The following TMBIM1 variants were observed in gnomAD, a reference collection of about 807,000 sequenced individuals.
TMBIM1 encodes the protein transmembrane BAX inhibitor motif containing 1.
TMBIM1 carries 34 observed loss-of-function variants against 45.1 expected under a neutral mutation model. The ratio of observed to expected loss-of-function variants is 0.75; its 90% CI spans 0.57 to 1.00. The LOEUF (loss-of-function observed/expected upper bound fraction) is 1.00. Among genes scored for constraint, TMBIM1 ranks in the 50% least tolerant of loss-of-function variants. The pLI, the probability that TMBIM1 is intolerant of heterozygous loss-of-function variation, is 0.00. For missense variants in TMBIM1, 374 were observed against 402.4 expected (o/e 0.93, Z 0.60); for synonymous variants, 157 against 153.5 (o/e 1.02, Z -0.17).
intron 10 of TMBIM1, 53 bp from the exon 11 acceptor site, chr2:218,276,132 C>G: frequency 1.3e-6 from 2 of 1,581,282 alleles, no homozygotes; most frequent in Non-Finnish European, 1.7e-6. Flanking sequence ...AAACCACAGG[C>G]CCACAGGCCC....
At chr2:218,285,671 C>T (rs1485681679) in intron 1 of TMBIM1, 1 of 152,328 alleles carries the variant, frequency 6.6e-6, no homozygotes, top group Non-Finnish European at 1.5e-5. Flanking sequence ...AGGACGAGAT[C>T]CTAGCTGTCT....
chr2:218,282,653 C>T (rs1307438071), intron 1 of TMBIM1, among the ~76,000 whole-genome samples: 3 of 152,226 alleles, frequency 2.0e-5, no homozygotes, highest in African/African-American at 7.2e-5. Context: ...GGCCTGGAAG[C>T]CAGAGCTGGG....
At position 218,275,452 on chromosome 2, in the gene TMBIM1, G is replaced by A. The variant is rs369057432; in HGVS notation, c.*23C>T. The A allele has an allele frequency of 4.4e-6, 7 of 1,605,306 alleles. No individual in the cohort carries two copies. The highest frequency in any genetic ancestry group is 3.3e-4 in the Middle Eastern group (2 of 5,996). On this transcript the variant is annotated 3_prime_UTR_variant, in exon 12 of 12. Coordinates refer to ENST00000258412, the MANE Select transcript of TMBIM1 (RefSeq NM_022152.6). Reference sequence around the variant, plus strand: ...AGCTTGGAAGGGAGAGCCCAGGATCGGGTGAAAATGGGGGCTTGCTCCTTA... The same window carrying A: ...AGCTTGGAAGGGAGAGCCCAGGATCAGGTGAAAATGGGGGCTTGCTCCTTA...
At chr2:218,279,538 T>G in intron 3 of TMBIM1, 185 bp from the exon 4 acceptor site, 1 of 541,564 alleles carries the variant, frequency 1.8e-6, no homozygotes, top group South Asian at 2.5e-5. Flanking sequence ...CCCGCTCCCA[T>G]GCTCCCTGCC....
chr2:218,284,446 G>A (rs1368384279), intron 1 of TMBIM1, among the ~76,000 whole-genome samples: 3 of 152,260 alleles, frequency 2.0e-5, no homozygotes, highest in Non-Finnish European at 2.9e-5. Context: ...AGGGACTGTG[G>A]CAGCCACCGG....
At chr2:218,280,672 G>A (rs1397358015) in intron 2 of TMBIM1, 2 of 155,812 alleles carry the variant, frequency 1.3e-5, no homozygotes, top group African/African-American at 4.8e-5. Flanking sequence ...CCCCTCTGGG[G>A]TTCAGAGATG....
At chr2:218,277,251 G>T in intron 9 of TMBIM1, 115 bp downstream of exon 9, 1 of 1,164,722 alleles carries the variant, frequency 8.6e-7, no homozygotes, top group Non-Finnish European at 1.3e-6. Flanking sequence ...AGTTTTGTAG[G>T]TGCGGATGAG....
At chr2:218,282,219 AGGC>A in intron 1 of TMBIM1, 38 bp from the exon 2 acceptor site, 1 of 1,235,298 alleles carries the variant, frequency 8.1e-7, no homozygotes, top group Non-Finnish European at 1.1e-6. Flanking sequence ...GTGAATGCCC[AGGC>A]CCAGCTCACT....
intron 1 of TMBIM1, among the ~76,000 whole-genome samples, chr2:218,291,574 A>G (rs1345537203): frequency 6.6e-6 from 1 of 152,078 alleles, no homozygotes; most frequent in East Asian, 1.9e-4. Flanking sequence ...ACTCCTGGGT[A>G]CCACGTAGAG....
chr2:218,277,275 G>A, intron 9 of TMBIM1, 91 bp downstream of exon 9: 1 of 1,278,226 alleles, frequency 7.8e-7, no homozygotes, highest in South Asian at 1.2e-5. Context: ...AAGGGGATCA[G>A]GTCTCTAGGG....
At position 218,274,548 on chromosome 2, in the gene TMBIM1, GC is replaced by G. The variant is rs1470469207; in HGVS notation, c.*926del. On this transcript the variant is annotated 3_prime_UTR_variant, in exon 12 of 12. Transcript: ENST00000258412. Reference sequence around the variant, plus strand: ...CACAGTAGGCTTCGGTATCTCCCTAGCCAGGTGAGGGACCCCCAGGCATTCT... The same window carrying G: ...CACAGTAGGCTTCGGTATCTCCCTAGCAGGTGAGGGACCCCCAGGCATTCT... 2 of 154,864 alleles carry G rather than the reference GC, an allele frequency of 1.3e-5. No homozygotes were observed. The highest frequency in any genetic ancestry group is 2.9e-5 in the Non-Finnish European group (2 of 68,262). The allele number at this position is 154,864 out of a possible 1,614,324, so 9.6% of individuals were successfully genotyped here.
chr2:218,279,757 G>A (rs1399218990), intron 3 of TMBIM1, among the ~76,000 whole-genome samples: 1 of 152,206 alleles, frequency 6.6e-6, no homozygotes, highest in Non-Finnish European at 1.5e-5. Context: ...GTCTGGGGAA[G>A]GCGGGCGCTG....
At chr2:218,276,183 G>A (rs1691190878) in intron 10 of TMBIM1, 104 bp from the exon 11 acceptor site, 1 of 1,253,958 alleles carries the variant, frequency 8.0e-7, no homozygotes. Context: ...GGGTAGAGCT[G>A]GGAAGCTAGC....
intron 6 of TMBIM1, 111 bp from the exon 7 acceptor site, chr2:218,278,085 C>G: frequency 7.8e-7 from 1 of 1,286,164 alleles, no homozygotes; most frequent in Non-Finnish European, 1.1e-6. Context: ...TAAGCCTTGA[C>G]TCCAAGGAGG....
chr2:218,280,547 G>A (rs1691802382), intron 2 of TMBIM1: 1 of 243,882 alleles, frequency 4.1e-6, no homozygotes, highest in Admixed American at 5.1e-5. Flanking sequence ...TAGAGGTGAA[G>A]ACAGGGATCT....
chr2:218,290,539 T>G (rs1438601978), intron 1 of TMBIM1, among the ~76,000 whole-genome samples: 1 of 152,204 alleles, frequency 6.6e-6, no homozygotes, highest in Non-Finnish European at 1.5e-5. Context: ...GGTCCTCCCC[T>G]TCCCCCATTC....
At chr2:218,291,285 T>G (rs904444754) in intron 1 of TMBIM1, among the ~76,000 whole-genome samples, 3 of 152,184 alleles carry the variant, frequency 2.0e-5, no homozygotes, top group African/African-American at 7.2e-5. Flanking sequence ...AAACTGGTTC[T>G]CTGGATCCTC....
chr2:218,279,192 T>C (rs1159074763), intron 4 of TMBIM1, 97 bp downstream of exon 4: 3 of 1,577,192 alleles, frequency 1.9e-6, no homozygotes, highest in Admixed American at 3.4e-5. Context: ...TTGCCCATGG[T>C]CACCCTGAGA....
chr2:218,279,092 C>A lies in TMBIM1; in HGVS notation c.369-1G>T. On this transcript the variant is annotated splice_acceptor_variant, in intron 4 of 11. Transcript: ENST00000258412. LOFTEE classifies it high-confidence loss of function. ...CCTCACAAAGGCGCTGACAGGTTCC[C>A]TGTGGGGCACAGGAGGACAGGAGTA... 3.7e-6 allele frequency: 6 copies of A among 1,614,136 alleles called. No individual in the cohort carries two copies. The highest frequency in any genetic ancestry group is 5.1e-6 in the Non-Finnish European group (6 of 1,180,002).
Sources: gnomAD v4.1 joint callset for allele counts (sites outside exome capture counted in the v4.1 genomes callset) on GRCh38, gnomAD v4.1.1 for gene constraint, MANE v1.5 for transcripts, NCBI Gene and HGNC (gene_info 2026-07-23, HGNC 2026-07-21) for gene names.